RBFOX3: variants seen among roughly 807,000 people sequenced by gnomAD.
RBFOX3 encodes RNA binding protein fox-1 homolog 3.
RBFOX3 carries 17 observed loss-of-function variants against 48.7 expected under a neutral mutation model. The observed-to-expected ratio is 0.35, with a 90% CI of 0.24 to 0.52. RBFOX3 has a LOEUF of 0.52. Among genes scored for constraint, RBFOX3 ranks in the 20% least tolerant of loss-of-function variants. The pLI is 0.94. For missense variants in RBFOX3, 382 were observed against 497.5 expected (o/e 0.77, Z 2.21); for synonymous variants, 212 against 209.5 (o/e 1.01, Z -0.10).
In RBFOX3 at chr17:79,361,289, C is replaced by T. The variant is rs2086298876; in HGVS notation, c.-174-53465G>A. Among the ~76,000 whole-genome samples the T allele has an allele frequency of 6.6e-6, 1 of 152,170 alleles. No homozygotes were observed. The highest frequency in any genetic ancestry group is 2.4e-5 in the African/African-American group (1 of 41,438). On this transcript the variant is annotated intron_variant, in intron 2 of 14. Coordinates refer to ENST00000693108, the MANE Select transcript of RBFOX3 (RefSeq NM_001350451.2). The surrounding 1 kb of genome is among the most constrained non-coding windows in gnomAD (Gnocchi z 4.5). The stretch of plus-strand genomic sequence containing the variant: ...CCTCTCCCCAGGCTGCTGGTTGGCG[C>T]CTTGATCCATTTGCCATCGGGGCTA...
chr17:79,660,464 C>T, the RBFOX3 span, among the ~76,000 whole-genome samples: 453 of 152,098 alleles, frequency 3.0e-3, 3 homozygotes, highest in African/African-American at 0.011. Context: ...AAAAATCAAC[C>T]CCATTAAAAA....
chr17:79,294,784 T>C (rs1042023343), intron 3 of RBFOX3, among the ~76,000 whole-genome samples: 3 of 152,198 alleles, frequency 2.0e-5, no homozygotes, highest in Admixed American at 1.3e-4. Context: ...CACACATTTA[T>C]CACCTGGAAA....
intron 3 of RBFOX3, among the ~76,000 whole-genome samples, chr17:79,265,896 C>A (rs1050438618): frequency 6.6e-6 from 1 of 152,148 alleles, no homozygotes; most frequent in Non-Finnish European, 1.5e-5. Context: ...GGGGAGGGGG[C>A]CCCCACAGAG....
chr17:79,441,086 G>T (rs1232104192), intron 2 of RBFOX3, among the ~76,000 whole-genome samples: 1 of 152,252 alleles, frequency 6.6e-6, no homozygotes, highest in Non-Finnish European at 1.5e-5. Flanking sequence ...CCCCAGGAAA[G>T]GGCGTCAGCG....
chr17:79,398,457 G>A (rs1377366941), intron 2 of RBFOX3, among the ~76,000 whole-genome samples: 1 of 152,054 alleles, frequency 6.6e-6, no homozygotes, highest in Non-Finnish European at 1.5e-5. Context: ...TTTAACATAC[G>A]TACACCACAT....
chr17:79,305,320 T>A (rs980448370), intron 3 of RBFOX3, among the ~76,000 whole-genome samples: 1 of 152,122 alleles, frequency 6.6e-6, no homozygotes, highest in Admixed American at 6.5e-5. Context: ...ATCCTGCCTT[T>A]CAATCATTAT....
chr17:79,218,549 G>C (rs2059342976), intron 4 of RBFOX3, among the ~76,000 whole-genome samples: 1 of 152,198 alleles, frequency 6.6e-6, no homozygotes, highest in African/African-American at 2.4e-5. Flanking sequence ...GGAGTTCTGG[G>C]AGGAAGACCC....
chr17:79,324,922 TC>T (rs1230303086), intron 2 of RBFOX3, among the ~76,000 whole-genome samples: 2 of 152,246 alleles, frequency 1.3e-5, no homozygotes, highest in Admixed American at 1.3e-4. Context: ...CCAAGGACTA[TC>T]CTCTGCCTGG....
At chr17:79,159,012 G>T (rs1292622268) in intron 4 of RBFOX3, among the ~76,000 whole-genome samples, 1 of 152,230 alleles carries the variant, frequency 6.6e-6, no homozygotes, top group African/African-American at 2.4e-5. Flanking sequence ...TGAAGGCGAG[G>T]CTGCAGGCCA....
intron 2 of RBFOX3, among the ~76,000 whole-genome samples, chr17:79,318,570 T>G (rs8082127): frequency 0.24 from 36,263 of 151,968 alleles, 4,479 homozygotes; most frequent in Non-Finnish European, 0.28. Context: ...AATTTGACTG[T>G]GGGGCCACGT....
intron 2 of RBFOX3, among the ~76,000 whole-genome samples, chr17:79,438,934 A>G: frequency 6.6e-6 from 1 of 152,172 alleles, no homozygotes; most frequent in East Asian, 1.9e-4. Context: ...CTGTCCATAC[A>G]TGGGGCAGGA....
intron 1 of RBFOX3, among the ~76,000 whole-genome samples, chr17:79,548,213 C>A (rs58912104): frequency 0.11 from 16,908 of 152,186 alleles, 1,493 homozygotes; most frequent in African/African-American, 0.24. Context: ...GCTCCTGCTC[C>A]GCTCCCGGAG....
chr17:79,321,157 A>G (rs565413534), intron 2 of RBFOX3, among the ~76,000 whole-genome samples: 1 of 152,190 alleles, frequency 6.6e-6, no homozygotes, highest in East Asian at 1.9e-4. Context: ...GTCAGATGAG[A>G]ACTGCAATGG....
the RBFOX3 span, among the ~76,000 whole-genome samples, chr17:79,646,266 T>C: frequency 7.2e-5 from 11 of 152,216 alleles, no homozygotes; most frequent in African/African-American, 2.7e-4. Context: ...GTCCCAGGTA[T>C]TGTTCAGAAA....
intron 1 of RBFOX3, among the ~76,000 whole-genome samples, chr17:79,504,606 A>C (rs2082829657): frequency 6.6e-6 from 1 of 152,162 alleles, no homozygotes; most frequent in Admixed American, 6.5e-5. Flanking sequence ...GCATCGCTCC[A>C]GTCTCTGCTT....
chr17:79,178,572 C>T (rs2051131011), intron 4 of RBFOX3, among the ~76,000 whole-genome samples: 1 of 152,174 alleles, frequency 6.6e-6, no homozygotes, highest in Non-Finnish European at 1.5e-5. Flanking sequence ...GCCTCGGTTT[C>T]TCCAACTGAA....
chr17:79,463,610 T>C (rs1281139978), intron 2 of RBFOX3, among the ~76,000 whole-genome samples: 1 of 71,620 alleles, frequency 1.4e-5, no homozygotes, highest in Non-Finnish European at 2.8e-5. Context: ...CATCGCCACC[T>C]CCACCGCCAT....
intron 3 of RBFOX3, among the ~76,000 whole-genome samples, chr17:79,294,656 T>C (rs1456159426): frequency 6.6e-6 from 1 of 151,936 alleles, no homozygotes; most frequent in Admixed American, 6.6e-5. Flanking sequence ...AAGGCAGGAG[T>C]TCAGCACCAC....
chr17:79,219,493 C>T (rs1048765268), intron 4 of RBFOX3, among the ~76,000 whole-genome samples: 6 of 152,138 alleles, frequency 3.9e-5, no homozygotes, highest in African/African-American at 1.2e-4. Flanking sequence ...TAGGATGGCC[C>T]GGTCCTCCCC....
Sources: allele counts gnomAD v4.1 joint callset (sites outside exome capture counted in the v4.1 genomes callset), GRCh38; gene constraint gnomAD v4.1.1; non-coding constraint Gnocchi (gnomAD v3.1); transcripts MANE v1.5; gene names NCBI Gene and HGNC (gene_info 2026-07-23, HGNC 2026-07-21).